Variants in KIAA1549L observed in about 807,000 individuals in gnomAD.
KIAA1549L encodes KIAA1549 like.
A neutral mutation model predicts 160.7 loss-of-function variants in KIAA1549L; 88 were observed. The ratio of observed to expected loss-of-function variants is 0.55; its 90% CI spans 0.46 to 0.65. The LOEUF is 0.65. Among genes scored for constraint, KIAA1549L ranks in the 30% least tolerant of loss-of-function variants. The probability of loss-of-function intolerance (pLI) is 0.00; values close to 1 mark genes in which losing one functional copy is unlikely to be tolerated. For synonymous variants in KIAA1549L, 950 were observed against 976.7 expected (o/e 0.97, Z 0.51); for missense variants, 2,258 against 2,437.5 (o/e 0.93, Z 1.55).
At chr11:33,553,306 ATTTT>A (rs5790938) in intron 6 of KIAA1549L, among the ~76,000 whole-genome samples, 2 of 144,932 alleles carry the variant, frequency 1.4e-5, no homozygotes, top group Admixed American at 6.8e-5. Flanking sequence ...GGTGCGCTGT[ATTTT>A]TTTTTTTTTT....
At chr11:33,437,420 C>T (rs187495542) in intron 1 of KIAA1549L, among the ~76,000 whole-genome samples, 1 of 152,168 alleles carries the variant, frequency 6.6e-6, no homozygotes, top group South Asian at 2.1e-4. Flanking sequence ...TGATGAAGAT[C>T]GAAGAGCCCT....
intron 1 of KIAA1549L, among the ~76,000 whole-genome samples, chr11:33,476,410 G>A (rs1450077411): frequency 1.3e-5 from 2 of 152,202 alleles, no homozygotes; most frequent in Non-Finnish European, 2.9e-5. Context: ...GGTTATCCAA[G>A]AAGAGGAGGA....
At chr11:33,604,238 C>T (rs1850440030) in intron 13 of KIAA1549L, among the ~76,000 whole-genome samples, 1 of 152,094 alleles carries the variant, frequency 6.6e-6, no homozygotes, top group Non-Finnish European at 1.5e-5. Flanking sequence ...GGCTCAGGGT[C>T]TCATGAGGTC....
chr11:33,606,505 A>G (rs1387332824), intron 13 of KIAA1549L, 136 bp from the exon 14 acceptor site: 1 of 786,470 alleles, frequency 1.3e-6, no homozygotes, highest in Non-Finnish European at 2.0e-6. Flanking sequence ...AGTCCTTGGC[A>G]CAGAAGCAGA....
chr11:33,581,038 T>C (rs1418739958), intron 10 of KIAA1549L, among the ~76,000 whole-genome samples: 2 of 152,158 alleles, frequency 1.3e-5, no homozygotes, highest in African/African-American at 4.8e-5. Context: ...GTCTGACACC[T>C]AGCATCGAGG....
At chr11:33,388,815 T>A (rs1013055389) in intron 1 of KIAA1549L, among the ~76,000 whole-genome samples, 1 of 152,238 alleles carries the variant, frequency 6.6e-6, no homozygotes, top group Non-Finnish European at 1.5e-5. Context: ...CTTCCTTCTC[T>A]AGACGATACT....
intron 1 of KIAA1549L, among the ~76,000 whole-genome samples, chr11:33,531,324 A>T (rs531099831): frequency 7.6e-4 from 116 of 152,218 alleles, no homozygotes; most frequent in Non-Finnish European, 7.9e-4. Context: ...AATACAAAAA[A>T]TTTAGCCAGC....
At chr11:33,510,373 G>T (rs1435405414) in intron 1 of KIAA1549L, among the ~76,000 whole-genome samples, 2 of 152,146 alleles carry the variant, frequency 1.3e-5, no homozygotes, top group African/African-American at 4.8e-5. Context: ...TTGTAGTAGA[G>T]ATGGGGTTTC....
chr11:33,558,587 G>T (rs1191874373), intron 6 of KIAA1549L, among the ~76,000 whole-genome samples: 2 of 152,122 alleles, frequency 1.3e-5, no homozygotes, highest in South Asian at 4.2e-4. Context: ...ACAAAAAAAG[G>T]CCTCACCAAG....
At chr11:33,637,957 ACT>A (rs59237031) in intron 16 of KIAA1549L, among the ~76,000 whole-genome samples, 1,989 of 151,680 alleles carry the variant, frequency 0.013, 46 homozygotes, top group African/African-American at 0.046. Flanking sequence ...AGCACTACCA[ACT>A]CTCTCTCACC....
At chr11:33,589,687 C>T (rs937050272) in intron 11 of KIAA1549L, among the ~76,000 whole-genome samples, 1 of 151,670 alleles carries the variant, frequency 6.6e-6, no homozygotes. Flanking sequence ...CGCATGTTCT[C>T]ACTCATAGGT....
chr11:33,597,507 T>C (rs759494477), intron 12 of KIAA1549L, among the ~76,000 whole-genome samples: 6 of 152,172 alleles, frequency 3.9e-5, no homozygotes, highest in Non-Finnish European at 8.8e-5. Flanking sequence ...TTGTCAGGGA[T>C]AGATGTCATT....
intron 1 of KIAA1549L, among the ~76,000 whole-genome samples, chr11:33,414,361 T>TCTATTACCAGCTTGTAATAGTAA (rs1850846443): frequency 6.6e-6 from 1 of 152,236 alleles, no homozygotes; most frequent in Non-Finnish European, 1.5e-5. Flanking sequence ...ATGTGATGCA[T>TCTATTACCAGCTTGTAATAGTAA]AGTATCTATT....
intron 17 of KIAA1549L, among the ~76,000 whole-genome samples, chr11:33,649,223 C>T (rs911065098): frequency 1.1e-4 from 17 of 151,830 alleles, no homozygotes; most frequent in African/African-American, 3.9e-4. Flanking sequence ...TATAAGGAAG[C>T]TTACCCAAGG....
intron 8 of KIAA1549L, among the ~76,000 whole-genome samples, chr11:33,564,085 A>G (rs1455961436): frequency 1.3e-5 from 2 of 152,142 alleles, no homozygotes; most frequent in Non-Finnish European, 2.9e-5. Context: ...AGTGGCTTCC[A>G]TCACTGTGTT....
chr11:33,395,270 T>C (rs1476336462), intron 1 of KIAA1549L, among the ~76,000 whole-genome samples: 4 of 152,232 alleles, frequency 2.6e-5, no homozygotes, highest in Non-Finnish European at 5.9e-5. Context: ...ATTATATGAA[T>C]GACTTCCTTC....
At chr11:33,380,820 GT>G (rs1850059635) in intron 1 of KIAA1549L, among the ~76,000 whole-genome samples, 1 of 152,114 alleles carries the variant, frequency 6.6e-6, no homozygotes, top group Admixed American at 6.5e-5. Context: ...TGGGGAGATA[GT>G]TTTGACCTGG....
intron 1 of KIAA1549L, among the ~76,000 whole-genome samples, chr11:33,474,036 T>G (rs1342721118): frequency 6.6e-6 from 1 of 151,648 alleles, no homozygotes; most frequent in East Asian, 1.9e-4. Flanking sequence ...ATGGAAAGAG[T>G]AGGAGCAAGA....
intron 6 of KIAA1549L, among the ~76,000 whole-genome samples, chr11:33,557,049 A>G (rs1230685572): frequency 6.6e-6 from 1 of 152,100 alleles, no homozygotes. Context: ...GTGCAGTGGC[A>G]CAATCATGGC....
Sources: gnomAD v4.1 joint callset for allele counts (sites outside exome capture counted in the v4.1 genomes callset) on GRCh38, gnomAD v4.1.1 for gene constraint, MANE v1.5 for transcripts, NCBI Gene and HGNC (gene_info 2026-07-23, HGNC 2026-07-21) for gene names.